The following NEDD4L variants were observed in gnomAD, a reference collection of about 807,000 sequenced individuals.
NEDD4L encodes the protein NEDD4 like E3 ubiquitin protein ligase, also known as E3 ubiquitin-protein ligase NEDD4-like.
A neutral mutation model predicts 148.9 loss-of-function variants in NEDD4L; 54 were observed. The ratio of observed to expected loss-of-function variants is 0.36; its 90% CI spans 0.29 to 0.45. NEDD4L has a LOEUF of 0.45. Ranked by LOEUF, NEDD4L falls within the 20% of genes least tolerant of loss-of-function variation. The pLI is 1.00. For missense variants in NEDD4L, 856 were observed against 1,233.8 expected (o/e 0.69, Z 4.59); for synonymous variants, 433 against 440.7 (o/e 0.98, Z 0.22).
intron 13 of NEDD4L, among the ~76,000 whole-genome samples, chr18:58,340,219 T>G (rs2042253329): frequency 6.6e-6 from 1 of 152,134 alleles, no homozygotes; most frequent in African/African-American, 2.4e-5. Context: ...CACATCCTTG[T>G]TTTTCAGTGT....
At chr18:58,250,170 A>T (rs998367231) in intron 4 of NEDD4L, among the ~76,000 whole-genome samples, 3 of 149,652 alleles carry the variant, frequency 2.0e-5, no homozygotes, top group Admixed American at 2.0e-4. Context: ...TTGTTTTTTG[A>T]GATGGAGTCT....
At chr18:58,195,828 C>A in intron 2 of NEDD4L, 1 of 727,394 alleles carries the variant, frequency 1.4e-6, no homozygotes, top group Non-Finnish European at 2.2e-6. Context: ...TTAGCTTTAA[C>A]CCAAATGTGC....
intron 5 of NEDD4L, among the ~76,000 whole-genome samples, chr18:58,264,484 C>A (rs62094544): frequency 0.18 from 27,867 of 151,800 alleles, 2,932 homozygotes; most frequent in Non-Finnish European, 0.21. Flanking sequence ...TGAGAACTTT[C>A]CTTTTTAAAA....
chr18:58,187,863 G>C (rs1020218233), intron 2 of NEDD4L, among the ~76,000 whole-genome samples: 6 of 152,038 alleles, frequency 3.9e-5, no homozygotes, highest in Non-Finnish European at 7.4e-5. Flanking sequence ...GAGTTCAAGG[G>C]AGAGAGAATA....
chr18:58,055,625 T>A (rs1484034213), intron 1 of NEDD4L, among the ~76,000 whole-genome samples: 2 of 152,198 alleles, frequency 1.3e-5, no homozygotes, highest in East Asian at 3.9e-4. Context: ...ATTTTCATAT[T>A]AGGAGCTCAC....
chr18:58,321,618 G>A (rs750678937), intron 6 of NEDD4L, among the ~76,000 whole-genome samples: 41 of 152,210 alleles, frequency 2.7e-4, no homozygotes, highest in Admixed American at 4.6e-4. Context: ...CAGTGCATAC[G>A]TACATACATG....
chr18:58,166,210 CAT>C (rs1407523896), intron 2 of NEDD4L, among the ~76,000 whole-genome samples: 2 of 152,296 alleles, frequency 1.3e-5, no homozygotes, highest in East Asian at 1.9e-4. Context: ...CTTAGGGAAA[CAT>C]AAAAGTGTCA....
Position 58,341,750 on chromosome 18 carries a change from C to A in NEDD4L, c.1330C>A (p.Pro444Thr). The change falls in exon 15 of 31, where the codon CCT (proline) becomes ACT (threonine). Residue 444 changes from proline to threonine, a missense_variant. Coordinates refer to ENST00000400345, the MANE Select transcript of NEDD4L (RefSeq NM_001144967.3). ...TCTAATCGAGCCTCAGATCCGCCGGCCTCGTAGCCTCAGCTCGCCAACAGT... is the reference window on the plus strand; with the variant it reads ...TCTAATCGAGCCTCAGATCCGCCGGACTCGTAGCCTCAGCTCGCCAACAGT... ...NHLIEPQIRRPRSLSSPTVTL... is the reference protein window; with the variant it reads ...NHLIEPQIRRTRSLSSPTVTL... The A allele has an allele frequency of 6.2e-7, 1 of 1,613,874 alleles. No individual in the cohort carries two copies. The highest frequency in any genetic ancestry group is 8.5e-7 in the Non-Finnish European group (1 of 1,179,860).
At chr18:58,128,544 C>T (rs565175267) in intron 1 of NEDD4L, among the ~76,000 whole-genome samples, 10 of 152,276 alleles carry the variant, frequency 6.6e-5, no homozygotes, top group Admixed American at 2.0e-4. Flanking sequence ...AACAGTGCAA[C>T]GTAAATCCTG....
At chr18:58,086,576 G>A (rs2083770435) in intron 1 of NEDD4L, among the ~76,000 whole-genome samples, 1 of 152,046 alleles carries the variant, frequency 6.6e-6, no homozygotes, top group Non-Finnish European at 1.5e-5. Context: ...CCTTTTTGTT[G>A]TTCTGATATT....
chr18:58,133,582 A>G (rs1420944327), intron 1 of NEDD4L, among the ~76,000 whole-genome samples: 1 of 152,196 alleles, frequency 6.6e-6, no homozygotes, highest in Non-Finnish European at 1.5e-5. Context: ...TAAAAATCCT[A>G]AATTGCAAGT....
chr18:58,321,140 T>C (rs570974310), intron 6 of NEDD4L, among the ~76,000 whole-genome samples: 1 of 152,344 alleles, frequency 6.6e-6, no homozygotes, highest in African/African-American at 2.4e-5. Context: ...TCTGTTCTCA[T>C]GGGCTTACAT....
At chr18:58,169,955 A>G (rs2037363362) in intron 2 of NEDD4L, among the ~76,000 whole-genome samples, 2 of 152,124 alleles carry the variant, frequency 1.3e-5, no homozygotes, top group Non-Finnish European at 2.9e-5. Context: ...TTTCTCCTGA[A>G]ATTAGATTTT....
At chr18:58,214,710 G>T (rs1378787277) in intron 2 of NEDD4L, among the ~76,000 whole-genome samples, 3 of 150,138 alleles carry the variant, frequency 2.0e-5, no homozygotes, top group African/African-American at 7.4e-5. Context: ...GAGCTTTGGG[G>T]TTTTTTCTCT....
At chr18:58,056,087 G>A (rs2082074542) in intron 1 of NEDD4L, among the ~76,000 whole-genome samples, 1 of 152,156 alleles carries the variant, frequency 6.6e-6, no homozygotes, top group South Asian at 2.1e-4. Flanking sequence ...GACCTAAAGT[G>A]TATCTCTTCC....
chr18:58,200,616 G>T, intron 2 of NEDD4L, among the ~76,000 whole-genome samples: 1 of 152,324 alleles, frequency 6.6e-6, no homozygotes, highest in East Asian at 1.9e-4. Flanking sequence ...AATTTTTAAA[G>T]TACTACTGGA....
At position 58,366,300 on chromosome 18, in the gene NEDD4L, A is replaced by G. The variant is rs146343280; in HGVS notation, c.2063+72A>G. On this transcript the variant is annotated intron_variant, in intron 21 of 30. Transcript: ENST00000400345. The surrounding 1 kb of genome is among the most constrained non-coding windows in gnomAD (Gnocchi z 4.2). ...GTATGAATTTAAACAGAATGAAAGG[A>G]TAAGCAGCTCATGAGTTCGAGATGC... 4.6e-4 allele frequency: 527 copies of G among 1,135,810 alleles called. 1 individual carries two copies. The African/African-American group carries it at 7.1e-3, about 15-fold the overall frequency. 70.4% of individuals were successfully genotyped at this position (1,135,810 alleles called of 1,614,324 possible).
intron 5 of NEDD4L, among the ~76,000 whole-genome samples, chr18:58,307,475 A>G (rs962139957): frequency 2.0e-5 from 3 of 152,234 alleles, no homozygotes; most frequent in African/African-American, 4.8e-5. Flanking sequence ...TAGAATGCCA[A>G]TGCCTACATT....
chr18:58,049,867 C>G (rs2081777245), intron 1 of NEDD4L, among the ~76,000 whole-genome samples: 1 of 149,844 alleles, frequency 6.7e-6, no homozygotes, highest in Non-Finnish European at 1.5e-5. Flanking sequence ...GTCCCAGCTA[C>G]TTGGGAGGCT....
Sources: gnomAD v4.1 joint callset for allele counts (sites outside exome capture counted in the v4.1 genomes callset) on GRCh38, gnomAD v4.1.1 for gene constraint, Gnocchi (gnomAD v3.1) non-coding constraint, MANE v1.5 for transcripts, NCBI Gene and HGNC (gene_info 2026-07-23, HGNC 2026-07-21) for gene names.